Variants in CACNA1C observed in about 807,000 individuals in gnomAD.
CACNA1C encodes the protein voltage-dependent L-type calcium channel subunit alpha-1C.
In CACNA1C, 30 loss-of-function variants were observed where a neutral mutation model predicts 229.0. The ratio of observed to expected loss-of-function variants is 0.13; its 90% CI spans 0.10 to 0.18. The LOEUF (loss-of-function observed/expected upper bound fraction) is 0.18, where lower values mean the gene tolerates loss of function less well. CACNA1C is among the 10% of genes least tolerant of loss of function. CACNA1C has a pLI of 1.00. For synonymous variants in CACNA1C, 1,114 were observed against 1,132.5 expected (o/e 0.98, Z 0.33); for missense variants, 1,658 against 2,845.0 (o/e 0.58, Z 9.49).
intron 9 of CACNA1C, among the ~76,000 whole-genome samples, chr12:2,522,019 C>T (rs1028353117): frequency 2.0e-5 from 3 of 152,208 alleles, no homozygotes; most frequent in Non-Finnish European, 4.4e-5. Flanking sequence ...TCTTGTTTTC[C>T]AGAAACGCCT....
chr12:2,144,654 A>C (rs865979116), intron 3 of CACNA1C, among the ~76,000 whole-genome samples: 3 of 151,394 alleles, frequency 2.0e-5, no homozygotes, highest in Non-Finnish European at 4.4e-5. Context: ...TACGCGTGCT[A>C]CTGAAAAAAC....
chr12:2,037,785 C>A lies in CACNA1C; in HGVS notation c.139+66584C>A, dbSNP rs1392446330. Among the ~76,000 whole-genome samples, 4 of 152,320 alleles carry A rather than the reference C, an allele frequency of 2.6e-5. No homozygotes were observed. The East Asian group carries it at 7.7e-4, about 29-fold the overall frequency. ...TGGGGTAGAGCAGCATCAGCCTCAC[C>A]TGGAAGCTTATAAGAAATCCAGAAT... On this transcript the variant is annotated intron_variant, in intron 1 of 46. Transcript: ENST00000682462.
chr12:2,634,294 C>T lies in CACNA1C; in HGVS notation c.3829-3C>T. On this transcript the variant is annotated splice_region_variant and splice_polypyrimidine_tract_variant and intron_variant, in intron 29 of 46. Coordinates refer to ENST00000399655, the MANE Select transcript of CACNA1C (RefSeq NM_000719.7). ...CTCTCCCCGGCTGCTCTGCCCCATGCAGCACTATTTCTGTGATGCATGGAA... is the reference window on the plus strand; with the variant it reads ...CTCTCCCCGGCTGCTCTGCCCCATGTAGCACTATTTCTGTGATGCATGGAA... The T allele has an allele frequency of 1.3e-6, 2 of 1,542,678 alleles. No homozygotes were observed. The highest frequency in any genetic ancestry group is 1.8e-6 in the Non-Finnish European group (2 of 1,136,828).
intron 13 of CACNA1C, among the ~76,000 whole-genome samples, chr12:2,577,199 G>C (rs1411647425): frequency 6.6e-6 from 1 of 152,246 alleles, no homozygotes; most frequent in African/African-American, 2.4e-5. Flanking sequence ...CTGTCTGTCT[G>C]TCTGTCTGAG....
chr12:2,175,785 C>CATGTGG (rs1393367410), intron 3 of CACNA1C, among the ~76,000 whole-genome samples: 4 of 152,138 alleles, frequency 2.6e-5, no homozygotes, highest in Admixed American at 2.0e-4. Context: ...CCTGAAATAC[C>CATGTGG]ATGTGGCAGA....
At chr12:2,391,039 T>A (rs2098471214) in intron 3 of CACNA1C, among the ~76,000 whole-genome samples, 1 of 152,112 alleles carries the variant, frequency 6.6e-6, no homozygotes, top group South Asian at 2.1e-4. Flanking sequence ...GAGGCAACCC[T>A]AAGAGAGCAT....
At chr12:2,020,562 C>T (rs1428519518) in intron 1 of CACNA1C, 2 of 152,072 alleles carry the variant, frequency 1.3e-5, no homozygotes, top group African/African-American at 4.8e-5. Context: ...GCAGAGGAGA[C>T]AGTAGGAAAG....
chr12:1,986,698 C>T (rs1048939210), intron 1 of CACNA1C, among the ~76,000 whole-genome samples: 8 of 151,714 alleles, frequency 5.3e-5, no homozygotes, highest in South Asian at 2.1e-4. Context: ...TGTGACTTGG[C>T]GCATTCTTGG....
rs2091572742 is a variant in CACNA1C, at chr12:2,633,707, A to G, written c.3829-590A>G. The G allele has an allele frequency of 1.9e-6, 3 of 1,584,596 alleles. No individual in the cohort carries two copies. Among genetic ancestry groups the G allele is most frequent in the African/African-American group, 2.7e-5 (2 of 74,268 alleles). The stretch of plus-strand genomic sequence containing the variant: ...CATAATTGACGTCATTCTCAGTGAG[A>G]CTAATGTGAGTATTACTCTGCCCTC... On this transcript the variant is annotated intron_variant, in intron 29 of 46. Transcript: ENST00000399655. The surrounding 1 kb of genome is among the most constrained non-coding windows in gnomAD (Gnocchi z 5.8).
At chr12:2,229,310 A>C (rs566580852) in intron 3 of CACNA1C, among the ~76,000 whole-genome samples, 1 of 152,270 alleles carries the variant, frequency 6.6e-6, no homozygotes, top group South Asian at 2.1e-4. Flanking sequence ...GGGATGTATT[A>C]ATTGCTGGTG....
At chr12:2,431,809 A>G (rs980234589) in intron 3 of CACNA1C, among the ~76,000 whole-genome samples, 2 of 152,194 alleles carry the variant, frequency 1.3e-5, no homozygotes, top group Admixed American at 1.3e-4. Context: ...TACAGCTGCC[A>G]TTGCATTGCT....
chr12:2,321,360 G>A (rs1254365265), intron 3 of CACNA1C, among the ~76,000 whole-genome samples: 2 of 151,468 alleles, frequency 1.3e-5, no homozygotes, highest in Non-Finnish European at 2.9e-5. Flanking sequence ...AGGTGCATTA[G>A]CCTGGCTCAG....
intron 3 of CACNA1C, among the ~76,000 whole-genome samples, chr12:2,286,606 C>T (rs1388823738): frequency 6.6e-5 from 10 of 152,014 alleles, no homozygotes; most frequent in Admixed American, 5.9e-4. Flanking sequence ...TCTTGTTGAT[C>T]AAGTGTGGAT....
At chr12:2,532,793 G>A (rs1406758407) in intron 9 of CACNA1C, among the ~76,000 whole-genome samples, 1 of 152,222 alleles carries the variant, frequency 6.6e-6, no homozygotes, top group African/African-American at 2.4e-5. Flanking sequence ...GAAGGAGACA[G>A]GTCACGGAGA....
intron 3 of CACNA1C, among the ~76,000 whole-genome samples, chr12:2,130,564 T>C (rs2154171319): frequency 8.6e-6 from 1 of 115,706 alleles, no homozygotes; most frequent in East Asian, 2.8e-4. Context: ...TTTGGTTTTT[T>C]GTTCTTGTGA....
chr12:2,547,509 T>C, intron 9 of CACNA1C: 1 of 779,776 alleles, frequency 1.3e-6, no homozygotes, highest in Non-Finnish European at 2.4e-6. Flanking sequence ...GTTTAGTCAC[T>C]CCACAGAAAC....
At position 2,582,977 on chromosome 12, in the gene CACNA1C, C is replaced by T. The variant is rs200812095; in HGVS notation, c.2224+35C>T. ...GCTGCTGCCCCCCACCCCTGCGGCC[C>T]CCAGCCCCCAGCCTGCAGCACAGTG... On this transcript the variant is annotated intron_variant, in intron 15 of 46. Coordinates refer to ENST00000399655, the MANE Select transcript of CACNA1C (RefSeq NM_000719.7). 5.9e-5 allele frequency: 86 copies of T among 1,460,814 alleles called. No homozygotes were observed. The East Asian group carries it at 1.8e-3, about 31-fold the overall frequency. The allele number at this position is 1,460,814 out of a possible 1,614,324, so 90.5% of individuals were successfully genotyped here. A position where few individuals can be genotyped will look rare whatever the true frequency, so the allele number is the denominator to read the frequency against.
intron 3 of CACNA1C, among the ~76,000 whole-genome samples, chr12:2,356,731 C>A (rs1374024328): frequency 6.6e-6 from 1 of 152,220 alleles, no homozygotes; most frequent in African/African-American, 2.4e-5. Context: ...AATAGAAATT[C>A]TTCCCTGCGT....
intron 5 of CACNA1C, among the ~76,000 whole-genome samples, chr12:2,477,712 C>T (rs778331693): frequency 1.3e-5 from 2 of 152,148 alleles, no homozygotes; most frequent in African/African-American, 2.4e-5. Context: ...ACAGCCTCTC[C>T]GAGTGGTCCT....
Sources: gnomAD v4.1 joint callset for allele counts (sites outside exome capture counted in the v4.1 genomes callset) on GRCh38, gnomAD v4.1.1 for gene constraint, Gnocchi (gnomAD v3.1) non-coding constraint, MANE v1.5 for transcripts, NCBI Gene and HGNC (gene_info 2026-07-23, HGNC 2026-07-21) for gene names.